Variants in ARHGEF28 observed in about 807,000 individuals in gnomAD.
ARHGEF28 encodes 190 kDa guanine nucleotide exchange factor.
In ARHGEF28, 152 loss-of-function variants were observed where a neutral mutation model predicts 206.6. The observed-to-expected ratio is 0.74, with a 90% CI of 0.64 to 0.84. ARHGEF28 has a LOEUF of 0.84. Among genes scored for constraint, ARHGEF28 ranks in the 40% least tolerant of loss-of-function variants. The pLI, the probability that ARHGEF28 is intolerant of heterozygous loss-of-function variation, is 0.00. For missense variants in ARHGEF28, 2,028 were observed against 2,073.2 expected, an observed-to-expected ratio of 0.98 and a Z score of 0.42; for synonymous variants, 763 against 776.4, an observed-to-expected ratio of 0.98 and a Z score of 0.29.
intron 7 of ARHGEF28, among the ~76,000 whole-genome samples, chr5:73,790,367 A>C (rs915214424): frequency 2.0e-5 from 3 of 152,168 alleles, no homozygotes; most frequent in Non-Finnish European, 4.4e-5. Flanking sequence ...TAAATGAAAA[A>C]AAACCTGTAT....
chr5:73,905,773 A>C (rs138168292), intron 33 of ARHGEF28, among the ~76,000 whole-genome samples: 1,725 of 152,350 alleles, frequency 0.011, 16 homozygotes, highest in Non-Finnish European at 0.018. Context: ...CTTTGAATAC[A>C]TCTGACTATT....
intron 2 of ARHGEF28, among the ~76,000 whole-genome samples, chr5:73,716,161 G>A (rs1749571377): frequency 6.6e-6 from 1 of 152,026 alleles, no homozygotes; most frequent in Admixed American, 6.6e-5. Flanking sequence ...TAATGCACCG[G>A]CACCTTTATT....
At chr5:73,847,531 G>A (rs1758441567) in intron 12 of ARHGEF28, among the ~76,000 whole-genome samples, 1 of 152,034 alleles carries the variant, frequency 6.6e-6, no homozygotes, top group African/African-American at 2.4e-5. Flanking sequence ...TGATATTTCT[G>A]GATAATGAGA....
intron 1 of ARHGEF28, among the ~76,000 whole-genome samples, chr5:73,673,835 A>T (rs1746493508): frequency 6.6e-6 from 1 of 152,042 alleles, no homozygotes. Context: ...ACAGACGAGG[A>T]ACTGGCCAAG....
intron 18 of ARHGEF28, among the ~76,000 whole-genome samples, chr5:73,866,615 G>A (rs1448919216): frequency 6.6e-6 from 1 of 152,186 alleles, no homozygotes; most frequent in African/African-American, 2.4e-5. Context: ...AGGCATACTG[G>A]AGTTTGGTTT....
chr5:73,878,035 C>T (rs1001301031), intron 22 of ARHGEF28, among the ~76,000 whole-genome samples: 11 of 152,128 alleles, frequency 7.2e-5, no homozygotes, highest in African/African-American at 2.7e-4. Flanking sequence ...GTTAAAGTCT[C>T]CCATTATTAT....
At chr5:73,900,984 G>A (rs1206050321) in intron 30 of ARHGEF28, 200 bp from the exon 31 acceptor site, 1 of 492,478 alleles carries the variant, frequency 2.0e-6, no homozygotes, top group African/African-American at 1.9e-5. Flanking sequence ...CTGTCTGTTA[G>A]CGTGTAAGCC....
chr5:73,664,748 A>T (rs1247895060), intron 1 of ARHGEF28, among the ~76,000 whole-genome samples: 1 of 152,184 alleles, frequency 6.6e-6, no homozygotes, highest in African/African-American at 2.4e-5. Context: ...TGATTAACTC[A>T]TTGATTCCCA....
chr5:73,867,895 C>A lies in ARHGEF28; in HGVS notation c.2172C>A (p.Ile724=). The change falls in exon 19 of 36, where the codon ATC becomes ATA. Residue 724 remains isoleucine (I), a synonymous_variant. Coordinates refer to ENST00000513042, the MANE Select transcript of ARHGEF28 (RefSeq NM_001177693.2). ...TTCCAGATTCTTCATTTAGAGACAT[C>A]CCACAGCCTGGTCTCTCCTTGCACC... is the stretch of plus-strand genomic sequence containing the variant. ...TILGNSSFRD[I]PQPGLSLHPS... 1.2e-6 allele frequency: 2 copies of A among 1,613,976 alleles called. No individual in the cohort carries two copies. Among genetic ancestry groups the A allele is most frequent in the Non-Finnish European group, 1.7e-6 (2 of 1,179,862 alleles).
intron 11 of ARHGEF28, among the ~76,000 whole-genome samples, chr5:73,844,967 G>T (rs920249960): frequency 6.7e-6 from 1 of 150,066 alleles, no homozygotes; most frequent in African/African-American, 2.4e-5. Context: ...TTGTTGTCAA[G>T]CAGCATTACT....
At chr5:73,911,049 A>G (rs529577829) in intron 34 of ARHGEF28, among the ~76,000 whole-genome samples, 1 of 152,318 alleles carries the variant, frequency 6.6e-6, no homozygotes, top group East Asian at 1.9e-4. Flanking sequence ...ATAGAGTGCC[A>G]CTTTTTTTGT....
chr5:73,740,326 A>C (rs1408717852), intron 2 of ARHGEF28, among the ~76,000 whole-genome samples: 5 of 152,224 alleles, frequency 3.3e-5, no homozygotes. Context: ...GATTCTAGAC[A>C]CTGAATATTA....
Position 73,941,118 on chromosome 5 carries a change from T to A in ARHGEF28, c.*105T>A. On this transcript the variant is annotated 3_prime_UTR_variant, in exon 36 of 36. Coordinates refer to ENST00000513042, the MANE Select transcript of ARHGEF28 (RefSeq NM_001177693.2). ...GTGATTGTCTGTGTCCAAATTGCTT[T>A]AAGAATAATATTTAATATTTCCTGG... 3 of 1,134,706 alleles carry A rather than the reference T, an allele frequency of 2.6e-6. No homozygotes were observed. Among genetic ancestry groups the A allele is most frequent in the Non-Finnish European group, 2.3e-6 (2 of 875,408 alleles). 70.3% of individuals were successfully genotyped at this position (1,134,706 alleles called of 1,614,324 possible).
intron 35 of ARHGEF28, among the ~76,000 whole-genome samples, chr5:73,912,071 TAA>T (rs200945214): frequency 1.6e-4 from 23 of 139,944 alleles, no homozygotes; most frequent in South Asian, 1.6e-3. Context: ...TTTGTCATTG[TAA>T]AAAAAAAAAA....
rs1316940871 is a variant in ARHGEF28 at position 73,876,445 on chromosome 5, T to G, written c.2814+3199T>G. 2.3e-5 allele frequency among the ~76,000 whole-genome samples: 3 copies of G among 129,804 alleles called. No homozygotes were observed. In the East Asian group the frequency reaches 6.5e-4, roughly 28 times the overall value. 85.2% of individuals were successfully genotyped at this position (129,804 alleles called of 152,430 possible). Reference sequence around the variant, plus strand: ...CCTGCCTAATTGCCCTGGCCAGAACTTCCAACACTATGTTGAATAGGAGTG... The same window carrying G: ...CCTGCCTAATTGCCCTGGCCAGAACGTCCAACACTATGTTGAATAGGAGTG... On this transcript the variant is annotated intron_variant, in intron 22 of 35. Transcript: ENST00000513042.
intron 9 of ARHGEF28, among the ~76,000 whole-genome samples, chr5:73,814,273 A>G (rs1756040792): frequency 6.6e-6 from 1 of 152,202 alleles, no homozygotes; most frequent in South Asian, 2.1e-4. Context: ...ACTAAAAATA[A>G]TGATCAAGTA....
At chr5:73,793,065 G>A (rs1331222341) in intron 7 of ARHGEF28, among the ~76,000 whole-genome samples, 1 of 152,120 alleles carries the variant, frequency 6.6e-6, no homozygotes, top group Non-Finnish European at 1.5e-5. Context: ...ACACAAAATT[G>A]GGGTTATTAC....
chr5:73,757,375 T>C (rs1752372234), intron 4 of ARHGEF28, among the ~76,000 whole-genome samples: 1 of 152,202 alleles, frequency 6.6e-6, no homozygotes, highest in Non-Finnish European at 1.5e-5. Flanking sequence ...GATTATTTAT[T>C]TATGATTTCT....
chr5:73,831,872 G>C (rs1050216771), intron 9 of ARHGEF28, among the ~76,000 whole-genome samples: 1 of 152,142 alleles, frequency 6.6e-6, no homozygotes, highest in Non-Finnish European at 1.5e-5. Flanking sequence ...TGTATTTTTA[G>C]TAGAGATGGG....
Sources: gnomAD v4.1 joint callset for allele counts (sites outside exome capture counted in the v4.1 genomes callset) on GRCh38, gnomAD v4.1.1 for gene constraint, MANE v1.5 for transcripts, NCBI Gene and HGNC (gene_info 2026-07-23, HGNC 2026-07-21) for gene names.